The following TADA3 variants were observed in gnomAD, a reference collection of about 807,000 sequenced individuals.
TADA3 encodes transcriptional adaptor 3, also known as transcriptional adapter 3.
Under a neutral mutation model 43.2 loss-of-function variants are expected in TADA3, and 25 were observed. The ratio of observed to expected loss-of-function variants is 0.58; its 90% CI spans 0.42 to 0.81. The LOEUF (loss-of-function observed/expected upper bound fraction) is 0.81. Ranked by LOEUF, TADA3 falls within the 30% of genes least tolerant of loss-of-function variation. The probability of loss-of-function intolerance (pLI) is 0.00; values close to 1 mark genes in which losing one functional copy is unlikely to be tolerated. For synonymous variants in TADA3, 235 were observed against 225.5 expected (o/e 1.04, Z -0.38); for missense variants, 441 against 567.8 (o/e 0.78, Z 2.27).
At chr3:9,781,058 A>G (rs1422628069) in intron 8 of TADA3, among the ~76,000 whole-genome samples, 1 of 152,090 alleles carries the variant, frequency 6.6e-6, no homozygotes, top group Non-Finnish European at 1.5e-5. Flanking sequence ...TGAGGCCAGG[A>G]GTTCAAGGTT....
At chr3:9,782,743 A>G (rs1487729821) in intron 8 of TADA3, among the ~76,000 whole-genome samples, 1 of 149,632 alleles carries the variant, frequency 6.7e-6, no homozygotes, top group Non-Finnish European at 1.5e-5. Flanking sequence ...GTGAGCCGAG[A>G]TCATGGCACT....
At chr3:9,784,594 G>A (rs189023526) in intron 7 of TADA3, among the ~76,000 whole-genome samples, 3 of 152,052 alleles carry the variant, frequency 2.0e-5, no homozygotes, top group Admixed American at 2.0e-4. Context: ...GCCAGGCATG[G>A]TGGCTCACAC....
intron 2 of TADA3, among the ~76,000 whole-genome samples, chr3:9,790,933 T>C (rs550545828): frequency 9.2e-5 from 14 of 152,290 alleles, no homozygotes; most frequent in South Asian, 8.3e-4. Flanking sequence ...GGTATGTACT[T>C]GACTTTCTCA....
chr3:9,787,924 C>T lies in TADA3; in HGVS notation c.565-584G>A. On this transcript the variant is annotated intron_variant, in intron 4 of 8. Transcript: ENST00000301964. ...GAGGGAGAGAAGAGCTTGCCAGAGG[C>T]CCAGAGACCAGCGAGGAGGCTGTGG... 5.5e-6 allele frequency: 2 copies of T among 362,752 alleles called. 1 individual carries two copies. The highest frequency in any genetic ancestry group is 1.1e-5 in the Non-Finnish European group (2 of 186,056). The allele number at this position is 362,752 out of a possible 1,614,324, so 22.5% of individuals were successfully genotyped here.
At chr3:9,787,748 A>G (rs529076312) in intron 4 of TADA3, 27 of 1,273,656 alleles carry the variant, frequency 2.1e-5, no homozygotes, top group South Asian at 7.4e-5. Context: ...AAGAAATCAG[A>G]TAAGTGAAGT....
At chr3:9,792,818 A>ATACC, upstream of TADA3, 1 of 1,351,996 alleles carries the variant, frequency 7.4e-7, no homozygotes, top group African/African-American at 1.5e-5. Flanking sequence ...GTACCATTGC[A>ATACC]TACCTGGGGG....
chr3:9,791,750 C>CT (rs940620320), intron 1 of TADA3, among the ~76,000 whole-genome samples: 13 of 152,192 alleles, frequency 8.5e-5, no homozygotes, highest in Admixed American at 7.2e-4. Context: ...GAGAAAGAAA[C>CT]TGAGACTCTG....
upstream of TADA3, chr3:9,792,621 G>T: frequency 8.1e-7 from 1 of 1,230,316 alleles, no homozygotes; most frequent in Non-Finnish European, 1.0e-6. Context: ...GGCGAGCCCC[G>T]GGGCACAGCC....
chr3:9,792,753 A>T, upstream of TADA3: 5 of 1,243,516 alleles, frequency 4.0e-6, no homozygotes, highest in Non-Finnish European at 5.0e-6. Flanking sequence ...GGAAGAAACG[A>T]AGGGCTCGTC....
chr3:9,787,195 C>G lies in TADA3; in HGVS notation c.706+4G>C. ...TGGGGTTGGCAGGGAGGTGAGAGGC[C>G]TACCTTTAGTGTCCAGTTCGGTCAG... On this transcript the variant is annotated splice_donor_region_variant and intron_variant, in intron 5 of 8. Coordinates refer to ENST00000301964, the MANE Select transcript of TADA3 (RefSeq NM_006354.5). 1 of 1,614,168 alleles carries G rather than the reference C, an allele frequency of 6.2e-7. No homozygotes were observed. Among genetic ancestry groups the G allele is most frequent in the Middle Eastern group, 1.6e-4 (1 of 6,062 alleles).
In TADA3 at chr3:9,787,501, T is replaced by A. The variant is rs1410650452; in HGVS notation, c.565-161A>T. 1,876 of 1,093,028 alleles carry A rather than the reference T, an allele frequency of 1.7e-3. 20 individuals are homozygous for A. The African/African-American group carries it at 0.027, about 16-fold the overall frequency. 67.7% of individuals were successfully genotyped at this position (1,093,028 alleles called of 1,614,324 possible). ...GAAAGTACAACGAAGATAAAACCTG[T>A]ACTTCACACTCTAGTAAGGGAGACA... is the stretch of plus-strand genomic sequence containing the variant. On this transcript the variant is annotated intron_variant, in intron 4 of 8. Coordinates refer to ENST00000301964, the MANE Select transcript of TADA3 (RefSeq NM_006354.5).
chr3:9,790,346 A>C (rs1463358572), intron 2 of TADA3, among the ~76,000 whole-genome samples: 2 of 152,214 alleles, frequency 1.3e-5, no homozygotes, highest in African/African-American at 4.8e-5. Flanking sequence ...AACTTGAGTC[A>C]TAGCCTTCCT....
rs760342366 is a variant in TADA3 at position 9,780,488 on chromosome 3, C to T, written c.1168G>A (p.Glu390Lys). 6 of 1,610,254 alleles carry T rather than the reference C, an allele frequency of 3.7e-6. No individual in the cohort carries two copies. Among genetic ancestry groups the T allele is most frequent in the South Asian group, 1.1e-5 (1 of 91,072 alleles). Reference protein sequence around the residue: ...LRQRVRMADNEVMDAFRKIMA... With the variant: ...LRQRVRMADNKVMDAFRKIMA... ...ATCTTGCGAAAGGCGTCCATGACCT[C>T]GTTGTCAGCCATGCGCACCCGCTGC... is the stretch of plus-strand genomic sequence containing the variant. Residue 390 changes from glutamate (E) to lysine (K), a missense_variant, in exon 9 of 9, where the codon GAG becomes AAG. Glu to Lys is a moderately conservative substitution (Grantham distance 56). Coordinates refer to ENST00000301964, the MANE Select transcript of TADA3 (RefSeq NM_006354.5).
chr3:9,792,454 T>C lies in TADA3; in HGVS notation c.-266A>G. ...AGGGGGCGGGGAGTTCCGGTCGATG[T>C]GAGCAACCGCCCCGGAACTGGCTAT... is the stretch of plus-strand genomic sequence containing the variant. On this transcript the variant is annotated 5_prime_UTR_variant, in exon 1 of 9. Transcript: ENST00000301964. The C allele has an allele frequency of 6.0e-6, 7 of 1,161,670 alleles. No homozygotes were observed. The highest frequency in any genetic ancestry group is 7.4e-6 in the Non-Finnish European group (7 of 942,512). The allele number at this position is 1,161,670 out of a possible 1,614,324, so 72.0% of individuals were successfully genotyped here. A position where few individuals can be genotyped will look rare whatever the true frequency, so the allele number is the denominator to read the frequency against.
At chr3:9,791,185 G>A (rs945049001) in intron 2 of TADA3, 75 bp downstream of exon 2, 11 of 1,449,006 alleles carry the variant, frequency 7.6e-6, no homozygotes, top group African/African-American at 1.4e-5. Context: ...CTCAGCATAT[G>A]GGGCTAACTC....
At chr3:9,780,598 A>C in intron 8 of TADA3, 49 bp from the exon 9 acceptor site, 1 of 1,547,500 alleles carries the variant, frequency 6.5e-7, no homozygotes, top group Middle Eastern at 2.2e-4. Flanking sequence ...CCTCCAGAGA[A>C]CAACCCCTCC....
chr3:9,783,835 C>T, intron 8 of TADA3, 193 bp downstream of exon 8: 1 of 1,022,086 alleles, frequency 9.8e-7, no homozygotes, highest in South Asian at 2.1e-5. Context: ...ATGCCTGAGC[C>T]CCACTCTGTG....
chr3:9,780,248 C>A lies in TADA3; in HGVS notation c.*109G>T. ...AGGGCCACGGCCCTCTAGAGACTGC[C>A]GCCATTTGAGGGACAGCCACAGGCC... On this transcript the variant is annotated 3_prime_UTR_variant, in exon 9 of 9. Coordinates refer to ENST00000301964, the MANE Select transcript of TADA3 (RefSeq NM_006354.5). 1 of 1,218,964 alleles carries A rather than the reference C, an allele frequency of 8.2e-7. No individual in the cohort carries two copies. Among genetic ancestry groups the A allele is most frequent in the South Asian group, 1.5e-5 (1 of 67,498 alleles). The allele number at this position is 1,218,964 out of a possible 1,614,324, so 75.5% of individuals were successfully genotyped here.
At position 9,785,349 on chromosome 3, in the gene TADA3, C is replaced by T. The variant is rs775164232; in HGVS notation, c.887G>A (p.Ser296Asn). Residue 296 changes from serine (S) to asparagine (N), a missense_variant, in exon 7 of 9, where the codon AGC (serine) becomes AAC (asparagine). By Grantham distance (46) the Ser-to-Asn change is conservative (BLOSUM62 1). Coordinates refer to ENST00000301964, the MANE Select transcript of TADA3 (RefSeq NM_006354.5). Reference protein sequence around the residue: ...SGKESGADGASTSPRNQNKPF... With the variant: ...SGKESGADGANTSPRNQNKPF... ...CTTGTTCTGATTGCGAGGGGAGGTG[C>T]TTGCCCCGTCAGCCCCTGATTCTTT... is the stretch of plus-strand genomic sequence containing the variant. The T allele has an allele frequency of 1.2e-6, 2 of 1,614,056 alleles. No individual in the cohort carries two copies.
Sources: gnomAD v4.1 joint callset for allele counts (sites outside exome capture counted in the v4.1 genomes callset) on GRCh38, gnomAD v4.1.1 for gene constraint, MANE v1.5 for transcripts, NCBI Gene and HGNC (gene_info 2026-07-23, HGNC 2026-07-21) for gene names.